The following ESPN variants were observed in gnomAD, a reference collection of about 807,000 sequenced individuals.
ESPN encodes the protein autosomal recessive deafness type 36 protein.
In ESPN, 68 loss-of-function variants were observed where a neutral mutation model predicts 77.7. The observed-to-expected ratio is 0.87, with a 90% confidence interval of 0.72 to 1.07. ESPN has a LOEUF of 1.07. ESPN is among the 50% of genes least tolerant of loss of function. The pLI is 0.00. For synonymous variants in ESPN, 449 were observed against 567.1 expected, an observed-to-expected ratio of 0.79 and a Z score of 2.96; for missense variants, 1,060 against 1,239.0, an observed-to-expected ratio of 0.86 and a Z score of 2.17.
At position 6,425,249 on chromosome 1, in the gene ESPN, G is replaced by A; in HGVS notation, c.294G>A (p.Gln98=). 2 of 1,568,360 alleles carry A rather than the reference G, an allele frequency of 1.3e-6. No homozygotes were observed. Among genetic ancestry groups the A allele is most frequent in the East Asian group, 4.7e-5 (2 of 42,892 alleles). The part of the protein sequence containing the change: ...WLLSQGGCRV[Q]DKDNSGATVL... ...TGTCGCAGGGCGGCTGCAGAGTGCA[G>A]GTGGGTCCGCGCGGTTCGCCAGGGG... Residue 98 remains glutamine (Q), a splice_region_variant and synonymous_variant, in exon 1 of 13, where the codon CAG becomes CAA. Transcript: ENST00000645284.
At chr1:6,453,726 C>G (rs1643995587) in intron 10 of ESPN, among the ~76,000 whole-genome samples, 1 of 152,140 alleles carries the variant, frequency 6.6e-6, no homozygotes, top group Non-Finnish European at 1.5e-5. Flanking sequence ...GAGGCTGCTT[C>G]CTATTTGTAT....
intron 10 of ESPN, among the ~76,000 whole-genome samples, chr1:6,453,435 T>G (rs919063498): frequency 1.3e-5 from 2 of 152,116 alleles, no homozygotes; most frequent in Admixed American, 1.3e-4. Flanking sequence ...ATACGTGGGC[T>G]GGGGGGCGTG....
rs766051192 is a variant in ESPN at position 6,451,564 on chromosome 1, C to A, written c.1916-39C>A. ...GGGTGAGGGGTGGCGGGGATGCAGCCCCACCCTGGCCAGTGCCTCATCTCC... is the reference window on the plus strand; with the variant it reads ...GGGTGAGGGGTGGCGGGGATGCAGCACCACCCTGGCCAGTGCCTCATCTCC... On this transcript the variant is annotated intron_variant, in intron 8 of 12. Coordinates refer to ENST00000645284, the MANE Select transcript of ESPN (RefSeq NM_031475.3). This position sits in a 1 kb window ranked among gnomAD's most constrained non-coding sequence, Gnocchi z 4.3. The A allele has an allele frequency of 5.0e-6, 8 of 1,603,754 alleles. No individual in the cohort carries two copies. In the East Asian group the frequency reaches 1.8e-4, roughly 36 times the overall value.
intron 6 of ESPN, 33 bp downstream of exon 6, chr1:6,444,715 G>A: frequency 1.2e-6 from 2 of 1,612,892 alleles, no homozygotes; most frequent in Admixed American, 1.7e-5. Flanking sequence ...CGGGGAGGGA[G>A]AGCAGACTGA....
chr1:6,453,830 A>G (rs1042710652), intron 10 of ESPN, among the ~76,000 whole-genome samples: 1 of 152,104 alleles, frequency 6.6e-6, no homozygotes, highest in Non-Finnish European at 1.5e-5. Context: ...AGAGGTGGAG[A>G]AAAGTGAGCA....
intron 2 of ESPN, among the ~76,000 whole-genome samples, chr1:6,439,428 G>C (rs897074912): frequency 6.6e-6 from 1 of 152,200 alleles, no homozygotes; most frequent in Non-Finnish European, 1.5e-5. Flanking sequence ...TCAGTCTTCT[G>C]GGGGAGGCAA....
At chr1:6,426,741 G>A (rs1463706100) in intron 1 of ESPN, among the ~76,000 whole-genome samples, 1 of 152,116 alleles carries the variant, frequency 6.6e-6, no homozygotes, top group African/African-American at 2.4e-5. Flanking sequence ...CTCAGGAGCT[G>A]GGGCTTAGGT....
In ESPN at chr1:6,448,953, A is replaced by G; in HGVS notation, c.1777A>G (p.Arg593Gly). The G allele has an allele frequency of 2.1e-6, 3 of 1,420,374 alleles. No individual in the cohort carries two copies. The highest frequency in any genetic ancestry group is 2.7e-6 in the Non-Finnish European group (3 of 1,092,770). 88.0% of individuals were successfully genotyped at this position (1,420,374 alleles called of 1,614,324 possible). The change falls in exon 8 of 13, where the codon AGG becomes GGG. Residue 593 changes from arginine to glycine, a missense_variant. By Grantham distance (125) the Arg-to-Gly change is moderately radical. Around this residue, in one of 3 missense-constraint regions of ESPN, gnomAD observed 374 missense variants for 381.4 expected, o/e 0.98. Transcript: ENST00000645284. The stretch of plus-strand genomic sequence containing the variant: ...CTGCGCCGCGGACCCCAAGGCGTCC[A>G]GGGAGCTGCCACCGCCGCCCCCACC... ...NGCAADPKAS[R>G]ELPPPPPPPP...
At position 6,440,638 on chromosome 1, in the gene ESPN, G is replaced by T. The variant is rs765409327; in HGVS notation, c.688G>T (p.Asp230Tyr). 5.6e-5 allele frequency: 47 copies of T among 838,576 alleles called. No individual in the cohort carries two copies. Among genetic ancestry groups the T allele is most frequent in the Admixed American group, 4.1e-4 (17 of 41,666 alleles). The allele number at this position is 838,576 out of a possible 1,614,324, so 51.9% of individuals were successfully genotyped here. ...PVIVWLVSCT[D>Y]VSLSEQDKDG... Reference sequence around the variant, plus strand: ...CCGTCCCGCCCAGGTGAGCTGCACCGACGTGAGCCTGTCCGAGCAGGACAA... The same window carrying T: ...CCGTCCCGCCCAGGTGAGCTGCACCTACGTGAGCCTGTCCGAGCAGGACAA... The change falls in exon 4 of 13, where the codon GAC becomes TAC. Residue 230 changes from aspartate (D) to tyrosine (Y), a missense_variant. Asp to Tyr is a radical substitution (Grantham distance 160, BLOSUM62 -3). Transcript: ENST00000645284.
At chr1:6,449,660 G>T (rs985762501) in intron 8 of ESPN, among the ~76,000 whole-genome samples, 4 of 152,180 alleles carry the variant, frequency 2.6e-5, no homozygotes, top group African/African-American at 9.7e-5. Flanking sequence ...AGGGGCCCTG[G>T]GCCAGCCAAG....
intron 2 of ESPN, among the ~76,000 whole-genome samples, chr1:6,439,786 G>A (rs1643553418): frequency 6.6e-6 from 1 of 152,168 alleles, no homozygotes. Context: ...GAGATGGGCG[G>A]ATCACGAGGT....
intron 1 of ESPN, among the ~76,000 whole-genome samples, chr1:6,425,660 AC>A (rs1408998063): frequency 6.6e-6 from 1 of 152,220 alleles, no homozygotes; most frequent in Admixed American, 6.5e-5. Context: ...CCCACAGCCC[AC>A]CCGAGGCTGA....
intron 2 of ESPN, among the ~76,000 whole-genome samples, chr1:6,438,945 C>T (rs1643527010): frequency 6.6e-6 from 1 of 152,188 alleles, no homozygotes; most frequent in African/African-American, 2.4e-5. Flanking sequence ...AACTGGGTTT[C>T]TACTAAAAAT....
Position 6,448,845 on chromosome 1 carries a change from G to C in ESPN, c.1669G>C (p.Gly557Arg). 5.6e-6 allele frequency: 7 copies of C among 1,242,464 alleles called. No homozygotes were observed. The highest frequency in any genetic ancestry group is 7.0e-6 in the Non-Finnish European group (7 of 997,588). The allele number at this position is 1,242,464 out of a possible 1,614,324, so 77.0% of individuals were successfully genotyped here. ...CGCGCGCGCCGGCTGCCCGCGCCTC[G>C]GCCCTGCCGCCCGCGGCTCACTCGA... is the stretch of plus-strand genomic sequence containing the variant. ...QPARAGCPRL[G>R]PAARGSLEGP... is the part of the protein sequence containing the mutation. Residue 557 changes from glycine to arginine, a missense_variant, in exon 8 of 13, where the codon GGC becomes CGC. Transcript: ENST00000645284.
At chr1:6,440,833 C>G in intron 4 of ESPN, 25 bp downstream of exon 4, 6 of 1,452,746 alleles carry the variant, frequency 4.1e-6, no homozygotes, top group Non-Finnish European at 5.4e-6. Flanking sequence ...GGGGTGGGGG[C>G]GCGCGCCCTC....
intron 8 of ESPN, 150 bp downstream of exon 8, chr1:6,449,241 C>T: frequency 1.2e-6 from 1 of 836,354 alleles, no homozygotes; most frequent in Non-Finnish European, 1.6e-6. Context: ...GAGTACTTGA[C>T]CCTAAGAGAG....
intron 11 of ESPN, 40 bp from the exon 12 acceptor site, chr1:6,457,321 G>A (rs1644073483): frequency 3.1e-6 from 5 of 1,614,224 alleles, no homozygotes; most frequent in African/African-American, 2.7e-5. Context: ...GCGTCCCTGA[G>A]GTGGAGGTAC....
intron 10 of ESPN, among the ~76,000 whole-genome samples, chr1:6,452,897 A>ATTTTTTTTTTTTT (rs1350694225): frequency 7.2e-6 from 1 of 138,724 alleles, no homozygotes; most frequent in African/African-American, 3.4e-5. Context: ...ATTTATTTTT[A>ATTTTTTTTTTTTT]TTTTTTATTT....
At chr1:6,443,818 A>C (rs921002333) in intron 5 of ESPN, among the ~76,000 whole-genome samples, 4 of 152,204 alleles carry the variant, frequency 2.6e-5, no homozygotes, top group Non-Finnish European at 5.9e-5. Context: ...CAGCGGAGCA[A>C]GCGGGCTTGC....
Sources: allele counts gnomAD v4.1 joint callset (sites outside exome capture counted in the v4.1 genomes callset), GRCh38; gene constraint gnomAD v4.1.1; regional missense constraint gnomAD v4.1.1; non-coding constraint Gnocchi (gnomAD v3.1); transcripts MANE v1.5; gene names NCBI Gene and HGNC (gene_info 2026-07-23, HGNC 2026-07-21).